SLCO1C1: variants seen among roughly 807,000 people sequenced by gnomAD.
The protein encoded by SLCO1C1 is OAT-RP-5.
In SLCO1C1, 70 loss-of-function variants were observed where a neutral mutation model predicts 76.4. That is an observed-to-expected ratio of 0.92 (90% CI 0.76 to 1.12). SLCO1C1 has a LOEUF of 1.12. Among genes scored for constraint, SLCO1C1 ranks in the 50% most tolerant of loss-of-function variants. The pLI is 0.00. For missense variants in SLCO1C1, 912 were observed against 823.8 expected, an observed-to-expected ratio of 1.11 and a Z score of -1.31; for synonymous variants, 306 against 286.1, an observed-to-expected ratio of 1.07 and a Z score of -0.70.
chr12:20,718,069 CA>C (rs1947471653), intron 7 of SLCO1C1, among the ~76,000 whole-genome samples: 1 of 152,110 alleles, frequency 6.6e-6, no homozygotes, highest in African/African-American at 2.4e-5. Context: ...AATTATTTTG[CA>C]TTTACTTTAT....
Position 20,740,203 on chromosome 12 carries a change from G to T in SLCO1C1, c.1568G>T (p.Cys523Phe). ...GKNIIFYNCTCVGIAASKSGN... is the reference protein window; with the variant it reads ...GKNIIFYNCTFVGIAASKSGN... ...TTACAGATATTTTACAACTGCACTT[G>T]TGTGGGAATTGCAGCTTCTAAATCC... Residue 523 changes from cysteine (C) to phenylalanine (F), a missense_variant, in exon 12 of 15, where the codon TGT (cysteine) becomes TTT (phenylalanine). Coordinates refer to ENST00000266509, the MANE Select transcript of SLCO1C1 (RefSeq NM_017435.5). The T allele has an allele frequency of 6.2e-7, 1 of 1,611,788 alleles. No homozygotes were observed. Among genetic ancestry groups the T allele is most frequent in the East Asian group, 2.2e-5 (1 of 44,724 alleles).
chr12:20,714,717 A>C (rs922005578), intron 5 of SLCO1C1, among the ~76,000 whole-genome samples: 3 of 152,212 alleles, frequency 2.0e-5, no homozygotes, highest in Non-Finnish European at 4.4e-5. Flanking sequence ...TTCTGCTGAA[A>C]AATAGAACTA....
chr12:20,709,241 T>C lies in SLCO1C1; in HGVS notation c.405-2145T>C, dbSNP rs1296063595. ...TGTCTCTTCTCCAACAGAGTCTCAA[T>C]AGGTACAGACCACATCCATAGCTCT... is the stretch of plus-strand genomic sequence containing the variant. On this transcript the variant is annotated intron_variant, in intron 4 of 14. Coordinates refer to ENST00000266509, the MANE Select transcript of SLCO1C1 (RefSeq NM_017435.5). 5.3e-5 allele frequency among the ~76,000 whole-genome samples: 8 copies of C among 152,326 alleles called. No homozygotes were observed. In the South Asian group the frequency reaches 1.2e-3, roughly 24 times the overall value.
chr12:20,715,023 T>C (rs576947724), intron 5 of SLCO1C1, 116 bp from the exon 6 acceptor site: 4 of 1,279,136 alleles, frequency 3.1e-6, no homozygotes, highest in African/African-American at 3.0e-5. Context: ...ATTAAGACTA[T>C]TGCACAAAAA....
chr12:20,720,232 T>C (rs1947591562), intron 7 of SLCO1C1, among the ~76,000 whole-genome samples: 1 of 152,210 alleles, frequency 6.6e-6, no homozygotes, highest in African/African-American at 2.4e-5. Context: ...AAAATATTAC[T>C]GCTCATTGGC....
intron 5 of SLCO1C1, among the ~76,000 whole-genome samples, chr12:20,711,809 T>C (rs1268064033): frequency 1.3e-5 from 2 of 152,208 alleles, no homozygotes; most frequent in Non-Finnish European, 2.9e-5. Flanking sequence ...GTTTAGCACA[T>C]ACAACTCTCA....
At chr12:20,698,639 C>T (rs990821630) in intron 1 of SLCO1C1, among the ~76,000 whole-genome samples, 1 of 151,962 alleles carries the variant, frequency 6.6e-6, no homozygotes, top group African/African-American at 2.4e-5. Flanking sequence ...TAACATTATT[C>T]CTTTAGGAAT....
At chr12:20,721,741 T>A in intron 7 of SLCO1C1, 63 bp from the exon 8 acceptor site, 2 of 1,524,714 alleles carry the variant, frequency 1.3e-6, no homozygotes, top group East Asian at 4.7e-5. Context: ...TATTTTTAAG[T>A]ATATTATTTT....
chr12:20,727,068 TGTG>T (rs1948044854), intron 9 of SLCO1C1, among the ~76,000 whole-genome samples: 1 of 152,240 alleles, frequency 6.6e-6, no homozygotes, highest in Non-Finnish European at 1.5e-5. Flanking sequence ...CATAGTATTC[TGTG>T]GTGTATACGT....
intron 12 of SLCO1C1, among the ~76,000 whole-genome samples, chr12:20,742,700 A>ATTT (rs5796883): frequency 7.1e-6 from 1 of 141,188 alleles, no homozygotes; most frequent in African/African-American, 2.8e-5. Flanking sequence ...TGCCCAGCTA[A>ATTT]TTTTTTTTTT....
At chr12:20,713,663 C>T (rs1292661051) in intron 5 of SLCO1C1, among the ~76,000 whole-genome samples, 1 of 152,170 alleles carries the variant, frequency 6.6e-6, no homozygotes, top group African/African-American at 2.4e-5. Context: ...ATCCTCATCT[C>T]CCCTGCAACA....
chr12:20,725,279 T>A (rs906823237), intron 9 of SLCO1C1, among the ~76,000 whole-genome samples: 9 of 141,620 alleles, frequency 6.4e-5, no homozygotes, highest in Admixed American at 1.4e-4. Flanking sequence ...TAATATAATA[T>A]ATATTATATT....
chr12:20,701,912 C>T (rs937573965), intron 3 of SLCO1C1, among the ~76,000 whole-genome samples: 1 of 151,662 alleles, frequency 6.6e-6, no homozygotes, highest in South Asian at 2.1e-4. Flanking sequence ...GATTTTTCCA[C>T]CCAGTGGTCT....
intron 8 of SLCO1C1, among the ~76,000 whole-genome samples, 164 bp from the exon 9 acceptor site, chr12:20,722,926 T>C (rs1393276908): frequency 6.6e-6 from 1 of 152,232 alleles, no homozygotes; most frequent in African/African-American, 2.4e-5. Flanking sequence ...GCTTGACGCA[T>C]GCCAGTGGCT....
intron 3 of SLCO1C1, 58 bp downstream of exon 3, chr12:20,701,517 A>G (rs763730060): frequency 3.8e-4 from 497 of 1,308,070 alleles, no homozygotes; most frequent in Non-Finnish European, 4.7e-4. Context: ...AGGTGTGGCT[A>G]AAGAACACCT....
At chr12:20,724,412 T>C (rs1324378168) in intron 9 of SLCO1C1, among the ~76,000 whole-genome samples, 1 of 80,478 alleles carries the variant, frequency 1.2e-5, no homozygotes, top group Non-Finnish European at 2.3e-5. Flanking sequence ...TGTGTGTGTG[T>C]ATATATATAT....
In SLCO1C1 at chr12:20,725,006, T is replaced by G. The variant is rs1209166153; in HGVS notation, c.1186+1752T>G. On this transcript the variant is annotated intron_variant, in intron 9 of 14. Coordinates refer to ENST00000266509, the MANE Select transcript of SLCO1C1 (RefSeq NM_017435.5). The stretch of plus-strand genomic sequence containing the variant: ...GTATAAATAATTACATTATAAAACA[T>G]ATATTTAAAATATCTAACATATATT... Among the ~76,000 whole-genome samples the G allele has an allele frequency of 3.5e-5, 5 of 141,258 alleles. No individual in the cohort carries two copies. In the East Asian group the frequency reaches 1.0e-3, roughly 28 times the overall value. The allele number at this position is 141,258 out of a possible 152,430, so 92.7% of individuals were successfully genotyped here. A position where few individuals can be genotyped will look rare whatever the true frequency, so the allele number is the denominator to read the frequency against.
chr12:20,695,350 GC>G lies in SLCO1C1; in HGVS notation c.-482del, dbSNP rs1159807918. 12 of 152,094 alleles carry G rather than the reference GC, an allele frequency of 7.9e-5. No homozygotes were observed. Among genetic ancestry groups the G allele is most frequent in the Non-Finnish European group, 1.2e-4 (8 of 68,030 alleles). 9.4% of individuals were successfully genotyped at this position (152,094 alleles called of 1,614,324 possible). ...TTCTGTTCCTTACCCTCTGCCCCCT[GC>G]GGAGTTGTGTTTTCTGGGAATCAGC... On this transcript the variant is annotated 5_prime_UTR_variant, in exon 1 of 15. Transcript: ENST00000266509.
At chr12:20,740,787 T>TTTTA (rs1217819863) in intron 12 of SLCO1C1, among the ~76,000 whole-genome samples, 4 of 75,058 alleles carry the variant, frequency 5.3e-5, no homozygotes, top group African/African-American at 1.6e-4. Context: ...TTTATTTTAT[T>TTTTA]TATATATATA....
Sources: gnomAD v4.1 joint callset for allele counts (sites outside exome capture counted in the v4.1 genomes callset) on GRCh38, gnomAD v4.1.1 for gene constraint, MANE v1.5 for transcripts, NCBI Gene and HGNC (gene_info 2026-07-23, HGNC 2026-07-21) for gene names.